Variants in TTC29 observed in about 807,000 individuals in gnomAD.
TTC29 encodes the protein tetratricopeptide repeat domain 29.
TTC29 carries 49 observed loss-of-function variants against 58.1 expected under a neutral mutation model. The ratio of observed to expected loss-of-function variants is 0.84; its 90% CI spans 0.67 to 1.07. The LOEUF (loss-of-function observed/expected upper bound fraction) is 1.07, where lower values mean the gene tolerates loss of function less well. Among genes scored for constraint, TTC29 ranks in the 50% least tolerant of loss-of-function variants. TTC29 has a pLI of 0.00. For missense variants in TTC29, 582 were observed against 555.6 expected, an observed-to-expected ratio of 1.05 and a Z score of -0.48; for synonymous variants, 209 against 196.8, an observed-to-expected ratio of 1.06 and a Z score of -0.52.
intron 6 of TTC29, among the ~76,000 whole-genome samples, chr4:146,888,356 G>C (rs923891134): frequency 2.0e-5 from 3 of 152,118 alleles, no homozygotes; most frequent in Non-Finnish European, 2.9e-5. Context: ...GTAAAGAGCA[G>C]ACCAGGTGGG....
intron 11 of TTC29, among the ~76,000 whole-genome samples, chr4:146,752,505 C>A (rs1468133263): frequency 6.6e-6 from 1 of 151,604 alleles, no homozygotes; most frequent in Non-Finnish European, 1.5e-5. Context: ...CAGTGCCATC[C>A]CCATCAAGCT....
At chr4:146,887,652 C>T (rs911196540) in intron 6 of TTC29, among the ~76,000 whole-genome samples, 1 of 152,050 alleles carries the variant, frequency 6.6e-6, no homozygotes, top group African/African-American at 2.4e-5. Flanking sequence ...ATTCATTTGT[C>T]TAAAAGAATT....
rs776538028 is a variant in TTC29 at position 146,707,522 on chromosome 4, C to T, written c.1360G>A (p.Val454Ile). The change falls in exon 12 of 13, where the codon GTA becomes ATA. Residue 454 changes from valine to isoleucine, a missense_variant. Coordinates refer to ENST00000325106, the MANE Select transcript of TTC29 (RefSeq NM_031956.4). ...EEFRGSTVEAVSQNSERLEEL... is the reference protein window; with the variant it reads ...EEFRGSTVEAISQNSERLEEL... Reference sequence around the variant, plus strand: ...TCCAAACGTTCTGAGTTTTGAGATACAGCTTCCACTGTGGATCCTCTAAAC... The same window carrying T: ...TCCAAACGTTCTGAGTTTTGAGATATAGCTTCCACTGTGGATCCTCTAAAC... The T allele has an allele frequency of 2.6e-5, 42 of 1,608,950 alleles. No homozygotes were observed. The highest frequency in any genetic ancestry group is 3.5e-5 in the Non-Finnish European group (41 of 1,178,100).
intron 11 of TTC29, among the ~76,000 whole-genome samples, chr4:146,748,818 A>T (rs1745743964): frequency 6.6e-6 from 1 of 152,218 alleles, no homozygotes; most frequent in Non-Finnish European, 1.5e-5. Context: ...ATGCAGGGAC[A>T]CAAGACAGAT....
intron 6 of TTC29, among the ~76,000 whole-genome samples, chr4:146,884,124 A>C (rs1444429075): frequency 6.6e-6 from 1 of 152,140 alleles, no homozygotes; most frequent in African/African-American, 2.4e-5. Context: ...ATGTACACAT[A>C]GTAGATGAAG....
intron 7 of TTC29, among the ~76,000 whole-genome samples, chr4:146,870,111 C>A (rs1310659850): frequency 6.6e-6 from 1 of 151,898 alleles, no homozygotes; most frequent in East Asian, 1.9e-4. Context: ...GTCCAGAGGA[C>A]AAAGCAGGTT....
chr4:146,927,788 T>C (rs553012317), intron 4 of TTC29, among the ~76,000 whole-genome samples: 97 of 152,240 alleles, frequency 6.4e-4, no homozygotes, highest in Non-Finnish European at 1.2e-3. Flanking sequence ...GCTTGCCCAG[T>C]ACACAAGGCA....
chr4:146,860,119 T>C (rs1331376122), intron 8 of TTC29, among the ~76,000 whole-genome samples: 3 of 152,120 alleles, frequency 2.0e-5, no homozygotes, highest in Non-Finnish European at 4.4e-5. Flanking sequence ...TATCACTTGA[T>C]TTAAGAGCCC....
chr4:146,743,046 T>A (rs1373154812), intron 11 of TTC29, among the ~76,000 whole-genome samples: 2 of 151,944 alleles, frequency 1.3e-5, no homozygotes, highest in Non-Finnish European at 2.9e-5. Context: ...GTCCTTAGGC[T>A]CTGGCCCTTT....
chr4:146,937,574 C>CCTTTAAAGGTA lies in TTC29; in HGVS notation c.176+19_176+20insTACCTTTAAAG. On this transcript the variant is annotated intron_variant, in intron 4 of 12. Coordinates refer to ENST00000325106, the MANE Select transcript of TTC29 (RefSeq NM_031956.4). ...AAGAAACAAACTTTATATTAAAGTACCTTTAAAGGTTGTACTTACGCAGCA... is the reference window on the plus strand; with the variant it reads ...AAGAAACAAACTTTATATTAAAGTACCTTTAAAGGTACTTTAAAGGTTGTACTTACGCAGCA... 3 of 1,405,854 alleles carry CCTTTAAAGGTA rather than the reference C, an allele frequency of 2.1e-6. No individual in the cohort carries two copies. The highest frequency in any genetic ancestry group is 2.9e-6 in the Non-Finnish European group (3 of 1,032,156). The allele number at this position is 1,405,854 out of a possible 1,614,324, so 87.1% of individuals were successfully genotyped here.
chr4:146,792,528 G>C (rs1055909365), intron 11 of TTC29, among the ~76,000 whole-genome samples: 4 of 152,164 alleles, frequency 2.6e-5, no homozygotes, highest in African/African-American at 9.7e-5. Flanking sequence ...TGTATACAGA[G>C]ATTATAGGCA....
chr4:146,729,595 G>A (rs962891610), intron 11 of TTC29, among the ~76,000 whole-genome samples: 52 of 152,060 alleles, frequency 3.4e-4, no homozygotes, highest in African/African-American at 1.1e-3. Flanking sequence ...TTATAAAGAT[G>A]GTGTATTAGT....
chr4:146,780,910 C>A (rs1207653755), intron 11 of TTC29, among the ~76,000 whole-genome samples: 8 of 151,988 alleles, frequency 5.3e-5, no homozygotes, highest in Admixed American at 1.3e-4. Context: ...TGTGGACCTG[C>A]ATGAGTCTCA....
chr4:146,718,686 T>C (rs1392838815), intron 11 of TTC29, among the ~76,000 whole-genome samples: 2 of 152,178 alleles, frequency 1.3e-5, no homozygotes, highest in Non-Finnish European at 2.9e-5. Flanking sequence ...TGTTTTCTTT[T>C]TTTGTGCAGA....
chr4:146,796,471 C>T (rs1487451567), intron 11 of TTC29, among the ~76,000 whole-genome samples: 1 of 152,080 alleles, frequency 6.6e-6, no homozygotes, highest in Non-Finnish European at 1.5e-5. Context: ...GAATAAAATA[C>T]TTAGTATATT....
rs1003522384 is a variant in TTC29, at chr4:146,818,379, A to G, written c.1101+1746T>C. ...CAGACAAATGCAAATCAAAACCACA[A>G]TGAGATACCATCTCACACCAGTTAG... On this transcript the variant is annotated intron_variant, in intron 10 of 12. Transcript: ENST00000325106. Among the ~76,000 whole-genome samples the G allele has an allele frequency of 1.8e-4, 28 of 152,340 alleles. No individual in the cohort carries two copies. The South Asian group carries it at 1.9e-3, about 10-fold the overall frequency.
chr4:146,917,222 A>T (rs1439077037), intron 4 of TTC29, among the ~76,000 whole-genome samples: 7 of 150,646 alleles, frequency 4.6e-5, no homozygotes, highest in Non-Finnish European at 8.9e-5. Flanking sequence ...TTACAACTAG[A>T]ATTCATCATT....
At chr4:146,770,152 T>A (rs1747623119) in intron 11 of TTC29, among the ~76,000 whole-genome samples, 1 of 152,066 alleles carries the variant, frequency 6.6e-6, no homozygotes, top group East Asian at 1.9e-4. Context: ...ACTCAATTAA[T>A]GCCTATTTAA....
chr4:146,843,780 C>T (rs1340572379), intron 8 of TTC29, among the ~76,000 whole-genome samples: 1 of 152,108 alleles, frequency 6.6e-6, no homozygotes, highest in African/African-American at 2.4e-5. Context: ...TTCAAAATTC[C>T]TGATCAATTT....
Sources: allele counts gnomAD v4.1 joint callset (sites outside exome capture counted in the v4.1 genomes callset), GRCh38; gene constraint gnomAD v4.1.1; transcripts MANE v1.5; gene names NCBI Gene and HGNC (gene_info 2026-07-23, HGNC 2026-07-21).